Variants in ERBB4 observed in about 807,000 individuals in gnomAD.
ERBB4 encodes erb-b2 receptor tyrosine kinase 4.
ERBB4 carries 42 observed loss-of-function variants against 158.0 expected under a neutral mutation model. That is an observed-to-expected ratio of 0.27 (90% CI 0.21 to 0.34). The LOEUF is 0.34. Among genes scored for constraint, ERBB4 ranks in the 10% least tolerant of loss-of-function variants. The pLI is 1.00. For synonymous variants in ERBB4, 583 were observed against 558.7 expected (o/e 1.04, Z -0.61); for missense variants, 1,333 against 1,624.1 (o/e 0.82, Z 3.08).
At chr2:212,125,743 A>G (rs897508857) in intron 1 of ERBB4, among the ~76,000 whole-genome samples, 1 of 152,234 alleles carries the variant, frequency 6.6e-6, no homozygotes, top group Non-Finnish European at 1.5e-5. Context: ...TCCAAAGGAC[A>G]TGATTTCATT....
chr2:212,183,831 A>G (rs1445841589), intron 1 of ERBB4, among the ~76,000 whole-genome samples: 1 of 152,156 alleles, frequency 6.6e-6, no homozygotes, highest in Non-Finnish European at 1.5e-5. Context: ...GGTCAAGAAC[A>G]ATCAGAAAAT....
chr2:212,234,268 T>A (rs1346187737), intron 1 of ERBB4, among the ~76,000 whole-genome samples: 1 of 152,132 alleles, frequency 6.6e-6, no homozygotes, highest in Admixed American at 6.5e-5. Flanking sequence ...TTGCTGAGAA[T>A]GATGGTTTCC....
chr2:211,420,426 ATAAT>A lies in ERBB4; in HGVS notation c.3135+11_3135+14del. 1 of 1,550,288 alleles carries A rather than the reference ATAAT, an allele frequency of 6.5e-7. No individual in the cohort carries two copies. The highest frequency in any genetic ancestry group is 8.9e-7 in the Non-Finnish European group (1 of 1,123,356). ...CTCAGAAAGAATATGATATGTGTAT[ATAAT>A]TATTTCTTACCCTATTCGAGTCAAT... On this transcript the variant is annotated intron_variant, in intron 25 of 27. Transcript: ENST00000342788.
intron 2 of ERBB4, among the ~76,000 whole-genome samples, chr2:212,045,327 G>A (rs1168975047): frequency 1.3e-5 from 2 of 152,068 alleles, no homozygotes; most frequent in Non-Finnish European, 2.9e-5. Flanking sequence ...GACATGTGGT[G>A]CACATCTGTA....
chr2:211,449,581 A>G (rs2064192885), intron 20 of ERBB4, among the ~76,000 whole-genome samples: 1 of 150,074 alleles, frequency 6.7e-6, no homozygotes, highest in Non-Finnish European at 1.5e-5. Context: ...TGGAAAGCAC[A>G]CATACCATCT....
intron 3 of ERBB4, among the ~76,000 whole-genome samples, chr2:211,920,606 C>T (rs1166993949): frequency 6.6e-6 from 1 of 151,924 alleles, no homozygotes; most frequent in East Asian, 1.9e-4. Context: ...CAATATACTA[C>T]ACAGAACTCC....
chr2:211,512,447 CA>C (rs35256083), intron 20 of ERBB4, among the ~76,000 whole-genome samples: 159 of 147,250 alleles, frequency 1.1e-3, no homozygotes, highest in African/African-American at 3.5e-3. Flanking sequence ...ACCAAAATCT[CA>C]AAAAAAAAAG....
At chr2:212,535,797 CAAAAG>C (rs1384527881) in intron 1 of ERBB4, among the ~76,000 whole-genome samples, 1 of 151,740 alleles carries the variant, frequency 6.6e-6, no homozygotes, top group Admixed American at 6.6e-5. Context: ...TTTTTCCAAG[CAAAAG>C]AAAAAAGAGG....
At chr2:212,482,492 G>T (rs889817059) in intron 1 of ERBB4, among the ~76,000 whole-genome samples, 1 of 152,284 alleles carries the variant, frequency 6.6e-6, no homozygotes, top group African/African-American at 2.4e-5. Flanking sequence ...TTTTACAAAT[G>T]AAAACCTGAG....
intron 1 of ERBB4, among the ~76,000 whole-genome samples, chr2:212,214,250 A>G (rs1382704988): frequency 6.6e-6 from 1 of 151,834 alleles, no homozygotes; most frequent in African/African-American, 2.4e-5. Context: ...GCACTGCCCA[A>G]TAGAGTGACC....
intron 20 of ERBB4, among the ~76,000 whole-genome samples, chr2:211,507,103 A>C (rs544844955): frequency 6.6e-6 from 1 of 152,264 alleles, no homozygotes; most frequent in South Asian, 2.1e-4. Flanking sequence ...AAACTAGAAA[A>C]TCTAGATGAA....
intron 1 of ERBB4, among the ~76,000 whole-genome samples, chr2:212,206,605 T>TTTTTTTTTTTTA (rs2082759821): frequency 7.4e-6 from 1 of 134,236 alleles, no homozygotes; most frequent in Non-Finnish European, 1.6e-5. Context: ...TTTTTTTTTT[T>TTTTTTTTTTTTA]GAGACGGAGT....
intron 3 of ERBB4, among the ~76,000 whole-genome samples, chr2:211,790,916 C>T (rs1181007394): frequency 6.6e-6 from 1 of 151,876 alleles, no homozygotes; most frequent in Non-Finnish European, 1.5e-5. Flanking sequence ...TACAGTCTTA[C>T]ACTTTCTTTT....
intron 1 of ERBB4, among the ~76,000 whole-genome samples, chr2:212,166,259 C>T (rs1056969261): frequency 1.3e-5 from 2 of 151,968 alleles, no homozygotes; most frequent in South Asian, 2.1e-4. Flanking sequence ...TCTTATTTTA[C>T]CAGTCTGGAA....
intron 3 of ERBB4, among the ~76,000 whole-genome samples, chr2:211,789,150 C>T (rs115206085): frequency 0.012 from 1,855 of 152,214 alleles, 40 homozygotes; most frequent in African/African-American, 0.042. Flanking sequence ...ATAGCACCTT[C>T]CAGCCCAATA....
intron 1 of ERBB4, among the ~76,000 whole-genome samples, chr2:212,506,445 T>C (rs1235536932): frequency 6.6e-6 from 1 of 151,854 alleles, no homozygotes; most frequent in Admixed American, 6.6e-5. Context: ...CTAGGCCTTG[T>C]GTGTCAAACA....
At chr2:211,477,775 G>A (rs1253244535) in intron 20 of ERBB4, among the ~76,000 whole-genome samples, 3 of 152,050 alleles carry the variant, frequency 2.0e-5, no homozygotes, top group Admixed American at 6.6e-5. Flanking sequence ...AGAATTTTAA[G>A]TATTAAAGTT....
chr2:212,177,962 G>A lies in ERBB4; in HGVS notation c.83-53059C>T, dbSNP rs2081729064. 3.5e-4 allele frequency among the ~76,000 whole-genome samples: 11 copies of A among 31,296 alleles called. 1 individual carries two copies. In the South Asian group the frequency reaches 0.012, roughly 34 times the overall value. 20.5% of individuals were successfully genotyped at this position (31,296 alleles called of 152,430 possible). Reference sequence around the variant, plus strand: ...TTTGTGAGTGTTTGTGAGTGTGAGTGTGTGTGTGTGTGTGTGTGTTGGGAA... The same window carrying A: ...TTTGTGAGTGTTTGTGAGTGTGAGTATGTGTGTGTGTGTGTGTGTTGGGAA... On this transcript the variant is annotated intron_variant, in intron 1 of 27. Coordinates refer to ENST00000342788, the MANE Select transcript of ERBB4 (RefSeq NM_005235.3).
chr2:211,597,877 C>A (rs2068685063), intron 19 of ERBB4, among the ~76,000 whole-genome samples: 1 of 151,946 alleles, frequency 6.6e-6, no homozygotes, highest in Non-Finnish European at 1.5e-5. Context: ...ACTAAAATTT[C>A]CCCAAAAAGA....
Sources: gnomAD v4.1 joint callset for allele counts (sites outside exome capture counted in the v4.1 genomes callset) on GRCh38, gnomAD v4.1.1 for gene constraint, MANE v1.5 for transcripts, NCBI Gene and HGNC (gene_info 2026-07-23, HGNC 2026-07-21) for gene names.